The following DPH6 variants were observed in gnomAD, a reference collection of about 807,000 sequenced individuals.
DPH6 encodes the protein diphthine--ammonia ligase.
In DPH6, 33 loss-of-function variants were observed where a neutral mutation model predicts 38.2. That is an observed-to-expected ratio of 0.86 (90% CI 0.65 to 1.15). The LOEUF (loss-of-function observed/expected upper bound fraction) is 1.15. Ranked by LOEUF, DPH6 falls within the 50% of genes most tolerant of loss-of-function variation. DPH6 has a pLI of 0.00. For missense variants in DPH6, 325 were observed against 320.0 expected (o/e 1.02, Z -0.12); for synonymous variants, 108 against 103.0 (o/e 1.05, Z -0.30).
the DPH6 span, among the ~76,000 whole-genome samples, chr15:35,186,403 G>A: frequency 2.0e-5 from 3 of 152,166 alleles, no homozygotes; most frequent in Non-Finnish European, 2.9e-5. Context: ...AACTTGAAGG[G>A]AATTCAGAGG....
At chr15:35,157,006 T>C in the DPH6 span, among the ~76,000 whole-genome samples, 1 of 152,146 alleles carries the variant, frequency 6.6e-6, no homozygotes, top group Admixed American at 6.6e-5. Flanking sequence ...CACTATAATT[T>C]TGGATTTGTA....
chr15:35,207,603 C>T, the DPH6 span, among the ~76,000 whole-genome samples: 2 of 152,118 alleles, frequency 1.3e-5, no homozygotes, highest in African/African-American at 4.8e-5. Flanking sequence ...ATTAAAAACA[C>T]TTTTCTTTCA....
chr15:35,400,268 T>C (rs1347162366), intron 6 of DPH6, among the ~76,000 whole-genome samples: 1 of 152,234 alleles, frequency 6.6e-6, no homozygotes, highest in Non-Finnish European at 1.5e-5. Context: ...CCAGAGTTTA[T>C]TACCTGACTT....
chr15:35,231,798 A>G (rs2051519856), intron 3 of DPH6, among the ~76,000 whole-genome samples: 1 of 152,142 alleles, frequency 6.6e-6, no homozygotes, highest in South Asian at 2.1e-4. Context: ...AGGAGCCAGC[A>G]TGTCACATGG....
At chr15:35,315,016 G>A (rs1258229429) in intron 3 of DPH6, among the ~76,000 whole-genome samples, 1 of 152,084 alleles carries the variant, frequency 6.6e-6, no homozygotes, top group Non-Finnish European at 1.5e-5. Context: ...GAATCCTGGC[G>A]AAATGATTAC....
At chr15:35,400,821 GATA>G in intron 6 of DPH6, 1 of 764,854 alleles carries the variant, frequency 1.3e-6, no homozygotes, top group East Asian at 2.4e-5. Context: ...CGGACTGTGT[GATA>G]ATGAGAGATC....
chr15:35,162,787 C>T, the DPH6 span, among the ~76,000 whole-genome samples: 20 of 151,796 alleles, frequency 1.3e-4, no homozygotes, highest in South Asian at 2.1e-4. Flanking sequence ...TCTCTAGATA[C>T]GTGTTAGATG....
rs1247519023 is a variant in DPH6 at position 35,478,342 on chromosome 15, T to C, written c.313-23522A>G. Among the ~76,000 whole-genome samples, 4 of 144,534 alleles carry C rather than the reference T, an allele frequency of 2.8e-5. No homozygotes were observed. The East Asian group carries it at 8.3e-4, about 30-fold the overall frequency. The allele number at this position is 144,534 out of a possible 152,430, so 94.8% of individuals were successfully genotyped here. ...TGTAAAGAAAACACTAGGAATACTTTACCCATACACACATACCCACACATA... is the reference window on the plus strand; with the variant it reads ...TGTAAAGAAAACACTAGGAATACTTCACCCATACACACATACCCACACATA... On this transcript the variant is annotated intron_variant, in intron 3 of 8. Transcript: ENST00000256538.
intron 3 of DPH6, among the ~76,000 whole-genome samples, chr15:35,343,678 A>C (rs1024267787): frequency 3.9e-5 from 6 of 152,000 alleles, no homozygotes; most frequent in African/African-American, 1.4e-4. Context: ...TAACTTAACA[A>C]ATATTTATTG....
chr15:35,295,177 A>T (rs2052006782), intron 3 of DPH6, among the ~76,000 whole-genome samples: 1 of 152,166 alleles, frequency 6.6e-6, no homozygotes, highest in Non-Finnish European at 1.5e-5. Context: ...AAAACTAACC[A>T]GGCCCACATT....
chr15:35,273,661 C>T (rs989224240), intron 3 of DPH6, among the ~76,000 whole-genome samples: 10 of 152,072 alleles, frequency 6.6e-5, no homozygotes, highest in Non-Finnish European at 1.3e-4. Flanking sequence ...ACAATTGCTA[C>T]AAAGAGAATG....
chr15:35,513,842 C>T (rs1300442922), intron 3 of DPH6, among the ~76,000 whole-genome samples: 2 of 151,860 alleles, frequency 1.3e-5, no homozygotes, highest in Non-Finnish European at 2.9e-5. Flanking sequence ...AATTGACAAG[C>T]TAAAAATCTT....
intron 2 of DPH6, among the ~76,000 whole-genome samples, chr15:35,540,316 T>TA: frequency 6.6e-6 from 1 of 152,236 alleles, no homozygotes; most frequent in East Asian, 1.9e-4. Flanking sequence ...AGAGATGGTT[T>TA]TGTGAATTTT....
At chr15:35,203,177 T>C in the DPH6 span, among the ~76,000 whole-genome samples, 2 of 151,706 alleles carry the variant, frequency 1.3e-5, no homozygotes, top group Non-Finnish European at 3.0e-5. Context: ...TTTCTGTAGG[T>C]AAACATTGTT....
In DPH6 at chr15:35,242,749, G is replaced by C; in HGVS notation, n.201-22167C>G. Among the ~76,000 whole-genome samples, 2 of 142,524 alleles carry C rather than the reference G, an allele frequency of 1.4e-5. 1 individual carries two copies. Among genetic ancestry groups the C allele is most frequent in the Non-Finnish European group, 3.1e-5 (2 of 65,194 alleles). 93.5% of individuals were successfully genotyped at this position (142,524 alleles called of 152,430 possible). On this transcript the variant is annotated intron_variant and non_coding_transcript_variant, in intron 3 of 3. Coordinates refer to the DPH6 transcript ENST00000560386. ...GAATGCTACAAGGTACAGCCCATTT[G>C]AGCTCCTGTATAGACGCTCCTTTTT...
At chr15:35,423,106 T>C (rs1410540898) in intron 5 of DPH6, among the ~76,000 whole-genome samples, 2 of 151,878 alleles carry the variant, frequency 1.3e-5, no homozygotes, top group Non-Finnish European at 3.0e-5. Flanking sequence ...CATACAGTAG[T>C]TACATTTTAA....
chr15:35,491,854 A>G (rs867033165), intron 3 of DPH6, among the ~76,000 whole-genome samples: 1 of 151,118 alleles, frequency 6.6e-6, no homozygotes, highest in East Asian at 1.9e-4. Context: ...CTATAAATCT[A>G]TATGTATATG....
rs2051614305 is a variant in DPH6, at chr15:35,243,396, G to T, written n.201-22814C>A. Among the ~76,000 whole-genome samples, 2 of 142,754 alleles carry T rather than the reference G, an allele frequency of 1.4e-5. 1 individual carries two copies. Among genetic ancestry groups the T allele is most frequent in the South Asian group, 4.9e-4 (2 of 4,090 alleles). 93.7% of individuals were successfully genotyped at this position (142,754 alleles called of 152,430 possible). A position where few individuals can be genotyped will look rare whatever the true frequency, so the allele number is the denominator to read the frequency against. On this transcript the variant is annotated intron_variant and non_coding_transcript_variant, in intron 3 of 3. Transcript: ENST00000560386. Reference sequence around the variant, plus strand: ...TTTATTTTTCTTATTAATATAAGAAGGCAGGAATGTCAGGCCTCTGAGCCC... The same window carrying T: ...TTTATTTTTCTTATTAATATAAGAATGCAGGAATGTCAGGCCTCTGAGCCC...
chr15:35,168,455 T>C, the DPH6 span, among the ~76,000 whole-genome samples: 16 of 152,046 alleles, frequency 1.1e-4, no homozygotes, highest in Admixed American at 3.9e-4. Flanking sequence ...TAATGCTGCC[T>C]CTAAATTTAA....
Sources: gnomAD v4.1 joint callset for allele counts (sites outside exome capture counted in the v4.1 genomes callset) on GRCh38, gnomAD v4.1.1 for gene constraint, MANE v1.5 for transcripts, NCBI Gene and HGNC (gene_info 2026-07-23, HGNC 2026-07-21) for gene names.